Variants in KRR1 observed in about 807,000 individuals in gnomAD.
KRR1 encodes the protein KRR1 small subunit processome component, also known as KRR1 small subunit processome component homolog.
KRR1 carries 23 observed loss-of-function variants against 50.0 expected under a neutral mutation model. The observed-to-expected ratio is 0.46, with a 90% CI of 0.33 to 0.65. The LOEUF (loss-of-function observed/expected upper bound fraction) is 0.65. KRR1 is among the 30% of genes least tolerant of loss of function. The pLI is 0.02. For missense variants in KRR1, 419 were observed against 442.4 expected (o/e 0.95, Z 0.47); for synonymous variants, 133 against 146.3 (o/e 0.91, Z 0.66).
Position 75,498,545 on chromosome 12 carries a change from A to G in KRR1, c.*1264T>C. ...TACCAAGTTAATTCAGTCAGTTCAA[A>G]AAGTTTTGAATAATTAAACTTGGAA... On this transcript the variant is annotated 3_prime_UTR_variant, in exon 10 of 10. Coordinates refer to ENST00000229214, the MANE Select transcript of KRR1 (RefSeq NM_007043.7). 1.6e-6 allele frequency: 1 copy of G among 614,120 alleles called. No homozygotes were observed. The highest frequency in any genetic ancestry group is 2.9e-6 in the Non-Finnish European group (1 of 350,690). 38.0% of individuals were successfully genotyped at this position (614,120 alleles called of 1,614,324 possible).
At chr12:75,507,327 T>G (rs1022249869) in intron 2 of KRR1, among the ~76,000 whole-genome samples, 1 of 152,128 alleles carries the variant, frequency 6.6e-6, no homozygotes, top group Non-Finnish European at 1.5e-5. Context: ...CTTTCAAACT[T>G]TTTTCGAGCT....
chr12:75,499,818 T>C lies in KRR1; in HGVS notation c.1137A>G (p.Lys379=). 1.3e-6 allele frequency: 2 copies of C among 1,599,182 alleles called. No individual in the cohort carries two copies. Among genetic ancestry groups the C allele is most frequent in the Non-Finnish European group, 1.7e-6 (2 of 1,174,950 alleles). The change falls in exon 10 of 10, where the codon AAA becomes AAG. Residue 379 remains lysine, a synonymous_variant. Transcript: ENST00000229214. ...AGGAGTTTTGGGTATGTTACTTTTT[T>C]TTCTTCTTTTTCTTTTCATCTGCCT... ...KMEADEKKKK[K]KK
At chr12:75,502,253 GAA>G in intron 7 of KRR1, 1 of 329,202 alleles carries the variant, frequency 3.0e-6, no homozygotes, top group Non-Finnish European at 5.5e-6. Context: ...CACTGATTCA[GAA>G]AAGTGTGAGA....
intron 6 of KRR1, 41 bp from the exon 7 acceptor site, chr12:75,504,115 G>A (rs1414012426): frequency 6.9e-7 from 1 of 1,450,538 alleles, no homozygotes; most frequent in Non-Finnish European, 9.5e-7. Flanking sequence ...ACTTTCCAAA[G>A]TCACACATTT....
At chr12:75,503,756 A>G in intron 7 of KRR1, 148 bp downstream of exon 7, 1 of 652,762 alleles carries the variant, frequency 1.5e-6, no homozygotes, top group East Asian at 2.8e-5. Flanking sequence ...GCCTATTTAT[A>G]TTTACCCTCA....
chr12:75,508,083 C>T (rs142251019), intron 2 of KRR1, among the ~76,000 whole-genome samples, 191 bp downstream of exon 2: 1 of 150,422 alleles, frequency 6.6e-6, no homozygotes, highest in East Asian at 2.0e-4. Context: ...ATTTATTACT[C>T]ATAAAATTAA....
chr12:75,503,556 A>C (rs1184800072), intron 7 of KRR1: 2 of 164,148 alleles, frequency 1.2e-5, no homozygotes, highest in African/African-American at 4.8e-5. Context: ...TTAAGATTTC[A>C]GAACAAGAAC....
chr12:75,505,219 A>G lies in KRR1; in HGVS notation c.639T>C (p.Ile213=). The part of the protein sequence containing the change: ...RKVVLDTMKN[I]HPIYNIKSLM... ...TCACTTTAATGTTATAAATTGGATG[A>G]ATATTCTTCATAGTATCAAGGACTA... The change falls in exon 6 of 10, where the codon ATT becomes ATC. Residue 213 remains isoleucine (I), a synonymous_variant. Coordinates refer to ENST00000229214, the MANE Select transcript of KRR1 (RefSeq NM_007043.7). 6.4e-7 allele frequency: 1 copy of G among 1,568,876 alleles called. No individual in the cohort carries two copies. The highest frequency in any genetic ancestry group is 8.7e-7 in the Non-Finnish European group (1 of 1,151,394).
In KRR1 at chr12:75,498,852, G is replaced by A. The variant is rs199968151; in HGVS notation, c.*957C>T. 3.3e-5 allele frequency: 54 copies of A among 1,612,010 alleles called. No homozygotes were observed. The highest frequency in any genetic ancestry group is 6.7e-5 in the Admixed American group (4 of 59,912). The stretch of plus-strand genomic sequence containing the variant: ...ACTACTCTGTTGTATATCCAGGCTG[G>A]CCCATATATCCACGTAACAGATACA... On this transcript the variant is annotated 3_prime_UTR_variant, in exon 10 of 10. Coordinates refer to ENST00000229214, the MANE Select transcript of KRR1 (RefSeq NM_007043.7).
intron 1 of KRR1, among the ~76,000 whole-genome samples, 185 bp from the exon 2 acceptor site, chr12:75,508,631 G>C (rs1264225619): frequency 2.0e-5 from 3 of 152,048 alleles, no homozygotes; most frequent in Admixed American, 1.3e-4. Flanking sequence ...ACGTTCCTCT[G>C]TCATTATCAT....
chr12:75,504,586 T>C (rs1314176700), intron 6 of KRR1, among the ~76,000 whole-genome samples: 1 of 152,046 alleles, frequency 6.6e-6, no homozygotes, highest in Non-Finnish European at 1.5e-5. Flanking sequence ...TATCCCAATA[T>C]CCCAATGTAA....
At chr12:75,506,265 A>G in intron 5 of KRR1, 51 bp downstream of exon 5, 1 of 1,172,226 alleles carries the variant, frequency 8.5e-7, no homozygotes, top group Non-Finnish European at 1.2e-6. Context: ...ATTATAACCA[A>G]ATTATTTGTT....
chr12:75,502,170 CA>C (rs2046398937), intron 7 of KRR1, 170 bp from the exon 8 acceptor site: 10 of 581,164 alleles, frequency 1.7e-5, no homozygotes, highest in Non-Finnish European at 3.0e-5. Context: ...AATACATACA[CA>C]AAAGTGTGGA....
At chr12:75,504,302 CAAAAAT>C (rs2046412510) in intron 6 of KRR1, 2 of 301,082 alleles carry the variant, frequency 6.6e-6, no homozygotes, top group South Asian at 2.3e-4. Context: ...TAAAATGAGA[CAAAAAT>C]AAAACTGAAT....
rs2046338355 is a variant in KRR1 at position 75,494,283 on chromosome 12, T to C, written c.*5526A>G. 1 of 152,220 alleles carries C rather than the reference T, an allele frequency of 6.6e-6. No individual in the cohort carries two copies. Among genetic ancestry groups the C allele is most frequent in the Admixed American group, 6.5e-5 (1 of 15,274 alleles). 9.4% of individuals were successfully genotyped at this position (152,220 alleles called of 1,614,324 possible). ...AAACTTTGATTAGAAAATAGTTTTA[T>C]TTTTATTTTCACTAACCTCTATTAA... On this transcript the variant is annotated 3_prime_UTR_variant, in exon 10 of 10. Coordinates refer to ENST00000229214, the MANE Select transcript of KRR1 (RefSeq NM_007043.7).
At chr12:75,501,120 AG>A (rs934045020) in intron 9 of KRR1, 16 of 152,416 alleles carry the variant, frequency 1.0e-4, no homozygotes, top group African/African-American at 3.6e-4. Flanking sequence ...GTGTTACCAC[AG>A]GGGAAAAAAA....
intron 9 of KRR1, chr12:75,500,452 T>C (rs1429052210): frequency 1.3e-5 from 2 of 151,530 alleles, no homozygotes; most frequent in African/African-American, 4.8e-5. Flanking sequence ...AATTTAAAGT[T>C]TTCCAAATAT....
At chr12:75,500,465 A>G (rs560454244) in intron 9 of KRR1, 2 of 146,926 alleles carry the variant, frequency 1.4e-5, no homozygotes, top group South Asian at 4.5e-4. Flanking sequence ...CCAAATATTA[A>G]TTCAATATTA....
chr12:75,510,416 G>T, intron 1 of KRR1, among the ~76,000 whole-genome samples: 1 of 152,028 alleles, frequency 6.6e-6, no homozygotes, highest in East Asian at 1.9e-4. Context: ...ATAAATTGGG[G>T]TATATTCATA....
Sources: gnomAD v4.1 joint callset for allele counts (sites outside exome capture counted in the v4.1 genomes callset) on GRCh38, gnomAD v4.1.1 for gene constraint, MANE v1.5 for transcripts, NCBI Gene and HGNC (gene_info 2026-07-23, HGNC 2026-07-21) for gene names.